The following GCNT2 variants were observed in gnomAD, a reference collection of about 807,000 sequenced individuals.
The protein encoded by GCNT2 is glucosaminyl (N-acetyl) transferase 2 (I blood group).
A neutral mutation model predicts 34.2 loss-of-function variants in GCNT2; 34 were observed. The observed-to-expected ratio is 1.00, with a 90% CI of 0.76 to 1.32. GCNT2 has a LOEUF of 1.32. Ranked by LOEUF, GCNT2 falls within the 40% of genes most tolerant of loss-of-function variation. The pLI is 0.00. For missense variants in GCNT2, 584 were observed against 489.4 expected, an observed-to-expected ratio of 1.19 and a Z score of -1.82; for synonymous variants, 212 against 188.0, an observed-to-expected ratio of 1.13 and a Z score of -1.04.
At chr6:10,557,108 T>C in intron 3 of GCNT2, 1 of 1,565,736 alleles carries the variant, frequency 6.4e-7, no homozygotes, top group South Asian at 1.2e-5. Flanking sequence ...ACGGACTAAA[T>C]ATGTCCACCA....
intron 4 of GCNT2, among the ~76,000 whole-genome samples, chr6:10,622,121 AG>A (rs1164949239): frequency 6.6e-6 from 1 of 152,214 alleles, no homozygotes; most frequent in Non-Finnish European, 1.5e-5. Context: ...ACTAGCAAGA[AG>A]GGTTCCCCTC....
At chr6:10,526,683 G>A (rs139780349) in intron 1 of GCNT2, among the ~76,000 whole-genome samples, 556 of 152,240 alleles carry the variant, frequency 3.7e-3, no homozygotes, top group Non-Finnish European at 5.8e-3. Flanking sequence ...GATTACAGGC[G>A]TGAGCCACTG....
intron 3 of GCNT2, among the ~76,000 whole-genome samples, chr6:10,569,389 T>G (rs1034692455): frequency 6.6e-6 from 1 of 152,114 alleles, no homozygotes; most frequent in Non-Finnish European, 1.5e-5. Flanking sequence ...GTGTGTGATC[T>G]TGGCTCACCG....
At chr6:10,556,755 T>C (rs1341544080) in intron 3 of GCNT2, 3 of 1,614,160 alleles carry the variant, frequency 1.9e-6, no homozygotes, top group East Asian at 4.5e-5. Context: ...TTTGCAAGGC[T>C]CTTCAGGGCT....
Position 10,614,643 on chromosome 6 carries a change from A to AG in GCNT2, c.926-6708_926-6707insG, listed in dbSNP as rs1561838173. 8.1e-3 allele frequency among the ~76,000 whole-genome samples: 1,010 copies of AG among 125,118 alleles called. 25 individuals are homozygous for AG. Among genetic ancestry groups the AG allele is most frequent in the African/African-American group, 0.028 (964 of 34,752 alleles). 82.1% of individuals were successfully genotyped at this position (125,118 alleles called of 152,430 possible). ...TCTGTCTCAAAAAAAAAAAAAAAAA[A>AG]AAGAGAAAAAGAAGAAAGGTAGAAG... On this transcript the variant is annotated intron_variant, in intron 3 of 4. Transcript: ENST00000495262.
intron 3 of GCNT2, among the ~76,000 whole-genome samples, chr6:10,543,718 T>C (rs541611854): frequency 6.6e-6 from 1 of 152,338 alleles, no homozygotes; most frequent in Admixed American, 6.5e-5. Flanking sequence ...CATCATGTAC[T>C]TGTTGGCCTT....
At chr6:10,534,238 TTC>T (rs1393547065) in intron 3 of GCNT2, among the ~76,000 whole-genome samples, 1 of 150,298 alleles carries the variant, frequency 6.7e-6, no homozygotes, top group Non-Finnish European at 1.5e-5. Flanking sequence ...TCCTCCTGGG[TTC>T]AAGCAATTCT....
intron 3 of GCNT2, among the ~76,000 whole-genome samples, chr6:10,582,674 G>GTA (rs1328541506): frequency 2.0e-5 from 3 of 146,980 alleles, no homozygotes; most frequent in Non-Finnish European, 4.5e-5. Context: ...GAAAAGAGTG[G>GTA]AATTTAACCT....
Position 10,528,777 on chromosome 6 carries a change from G to C in GCNT2, c.-135G>C. On this transcript the variant is annotated 5_prime_UTR_variant, in exon 3 of 5. Coordinates refer to ENST00000495262, the MANE Select transcript of GCNT2 (RefSeq NM_145649.5). ...AAAGGACCAGAACCGTGAACTGAAG[G>C]GACAGGGAACAGCCAGACGAGAGCT... The C allele has an allele frequency of 5.3e-6, 4 of 753,870 alleles. No individual in the cohort carries two copies. In the South Asian group the frequency reaches 5.7e-5, roughly 11 times the overall value. 46.7% of individuals were successfully genotyped at this position (753,870 alleles called of 1,614,324 possible).
intron 3 of GCNT2, among the ~76,000 whole-genome samples, chr6:10,534,378 C>T (rs1437572373): frequency 6.6e-6 from 1 of 151,632 alleles, no homozygotes; most frequent in African/African-American, 2.4e-5. Flanking sequence ...TCAGGTGATC[C>T]ACCTGCCTTG....
chr6:10,597,903 C>A (rs191022140), intron 3 of GCNT2, among the ~76,000 whole-genome samples: 219 of 152,304 alleles, frequency 1.4e-3, no homozygotes, highest in African/African-American at 5.0e-3. Context: ...ATGAGCCATG[C>A]GTGAATGTTT....
At chr6:10,597,589 G>C (rs1764912137) in intron 3 of GCNT2, among the ~76,000 whole-genome samples, 2 of 151,860 alleles carry the variant, frequency 1.3e-5, no homozygotes. Context: ...AGAATCTCTG[G>C]GTGTCTCCAA....
Position 10,565,055 on chromosome 6 carries a change from T to A in GCNT2, c.925+35219T>A, listed in dbSNP as rs558764634. ...CATGAACTGCCTCCCAAAATGAGAG[T>A]GAGCCAGCCACGCACTTGTGAAAGA... On this transcript the variant is annotated intron_variant, in intron 3 of 4. Transcript: ENST00000495262. Among the ~76,000 whole-genome samples, 6 of 152,118 alleles carry A rather than the reference T, an allele frequency of 3.9e-5. No homozygotes were observed. The South Asian group carries it at 8.3e-4, about 21-fold the overall frequency.
intron 3 of GCNT2, among the ~76,000 whole-genome samples, chr6:10,548,726 C>G (rs9466675): frequency 0.016 from 2,377 of 151,384 alleles, 63 homozygotes; most frequent in African/African-American, 0.054. Context: ...TTCATTCATT[C>G]TCATTGTTGC....
At chr6:10,581,524 C>A (rs1019394004) in intron 3 of GCNT2, among the ~76,000 whole-genome samples, 1 of 152,174 alleles carries the variant, frequency 6.6e-6, no homozygotes, top group African/African-American at 2.4e-5. Flanking sequence ...CCCTCCTTGG[C>A]CTCCCAAAAT....
intron 4 of GCNT2, among the ~76,000 whole-genome samples, chr6:10,624,933 T>C (rs1219482660): frequency 6.6e-6 from 1 of 152,228 alleles, no homozygotes; most frequent in Non-Finnish European, 1.5e-5. Context: ...CATCGAGTTG[T>C]CTATGAACCT....
intron 3 of GCNT2, among the ~76,000 whole-genome samples, chr6:10,600,022 G>A (rs1765028892): frequency 6.6e-6 from 1 of 152,196 alleles, no homozygotes; most frequent in African/African-American, 2.4e-5. Context: ...GAGAAACCAG[G>A]CACAGGGAGA....
At chr6:10,624,934 C>G (rs1486420623) in intron 4 of GCNT2, among the ~76,000 whole-genome samples, 1 of 152,206 alleles carries the variant, frequency 6.6e-6, no homozygotes, top group Non-Finnish European at 1.5e-5. Context: ...ATCGAGTTGT[C>G]TATGAACCTT....
At chr6:10,607,361 A>G (rs960759889) in intron 3 of GCNT2, among the ~76,000 whole-genome samples, 1 of 152,174 alleles carries the variant, frequency 6.6e-6, no homozygotes, top group Non-Finnish European at 1.5e-5. Context: ...CTGGAGCAGG[A>G]GGAAGAGCAG....
Sources: gnomAD v4.1 joint callset for allele counts (sites outside exome capture counted in the v4.1 genomes callset) on GRCh38, gnomAD v4.1.1 for gene constraint, MANE v1.5 for transcripts, NCBI Gene and HGNC (gene_info 2026-07-23, HGNC 2026-07-21) for gene names.